The following DNAH5 variants were observed in gnomAD, a reference collection of about 807,000 sequenced individuals.
DNAH5 encodes the protein dynein axonemal heavy chain 5, also known as axonemal beta dynein heavy chain 5.
DNAH5 carries 372 observed loss-of-function variants against 518.2 expected under a neutral mutation model. The observed-to-expected ratio is 0.72, with a 90% confidence interval of 0.66 to 0.78. DNAH5 has a LOEUF of 0.78. Among genes scored for constraint, DNAH5 ranks in the 30% least tolerant of loss-of-function variants. The probability of loss-of-function intolerance (pLI) is 0.00; values close to 1 mark genes in which losing one functional copy is unlikely to be tolerated. For missense variants in DNAH5, 5,523 were observed against 5,687.0 expected (o/e 0.97, Z 0.93); for synonymous variants, 2,039 against 2,025.9 (o/e 1.01, Z -0.17).
chr5:13,778,600 G>GAAAGAAAGAAAGAAAGAAAGAA (rs1272994718), intron 53 of DNAH5, among the ~76,000 whole-genome samples: 1 of 72,858 alleles, frequency 1.4e-5, no homozygotes, highest in Non-Finnish European at 3.2e-5. Flanking sequence ...GAAAGAAAGA[G>GAAAGAAAGAAAGAAAGAAAGAA]AGAGAGAAAG....
chr5:13,841,489 A>G lies in DNAH5; in HGVS notation c.5484+203T>C, dbSNP rs138613825. Among the ~76,000 whole-genome samples the G allele has an allele frequency of 5.7e-3, 869 of 152,328 alleles. 6 individuals carry two copies. Among genetic ancestry groups the G allele is most frequent in the African/African-American group, 0.02 (825 of 41,568 alleles). On this transcript the variant is annotated intron_variant, in intron 33 of 78. Coordinates refer to ENST00000265104, the MANE Select transcript of DNAH5 (RefSeq NM_001369.3). ...TACATCAAATATATCTATAACCCAA[A>G]TACACATTTAAGTCTATAGATATAT...
chr5:13,861,159 G>C (rs889130681), intron 29 of DNAH5, among the ~76,000 whole-genome samples: 2 of 152,088 alleles, frequency 1.3e-5, no homozygotes, highest in African/African-American at 4.8e-5. Context: ...ACCCCAACCA[G>C]ATAATTTTTA....
chr5:13,735,330 T>C lies in DNAH5; in HGVS notation c.11571-9A>G, dbSNP rs779715252. On this transcript the variant is annotated splice_polypyrimidine_tract_variant and intron_variant, in intron 67 of 78. Coordinates refer to ENST00000265104, the MANE Select transcript of DNAH5 (RefSeq NM_001369.3). ...TCGGGCTCTTGACAGACCTGGTGAA[T>C]AGAATATTTAAATCAGGCTTATCCC... 5.6e-6 allele frequency: 9 copies of C among 1,613,144 alleles called. No homozygotes were observed. In the African/African-American group the frequency reaches 8.0e-5, roughly 14 times the overall value.
chr5:13,935,485 G>T (rs777096275), intron 1 of DNAH5, among the ~76,000 whole-genome samples: 2 of 152,054 alleles, frequency 1.3e-5, no homozygotes, highest in Admixed American at 6.5e-5. Context: ...TTAAAAGCAC[G>T]TTAAGACTTG....
At chr5:13,935,962 C>T (rs1778885397) in intron 1 of DNAH5, among the ~76,000 whole-genome samples, 1 of 152,152 alleles carries the variant, frequency 6.6e-6, no homozygotes, top group South Asian at 2.1e-4. Flanking sequence ...GGGAACATGG[C>T]CAGAAATCTA....
At chr5:13,768,924 C>T (rs990216871) in intron 58 of DNAH5, 36 bp downstream of exon 58, 2 of 1,611,836 alleles carry the variant, frequency 1.2e-6, no homozygotes, top group African/African-American at 2.7e-5. Context: ...CCTCTTAAGC[C>T]CTAAAGCTGA....
At chr5:13,913,535 T>G (rs1776273999) in intron 11 of DNAH5, among the ~76,000 whole-genome samples, 2 of 152,146 alleles carry the variant, frequency 1.3e-5, no homozygotes, top group African/African-American at 4.8e-5. Context: ...AAAGTCATTC[T>G]TATAACCACA....
chr5:13,883,137 A>G, intron 19 of DNAH5, 43 bp from the exon 20 acceptor site: 10 of 1,599,602 alleles, frequency 6.3e-6, no homozygotes, highest in Non-Finnish European at 8.5e-6. Flanking sequence ...TTTTTAATAC[A>G]AAATAAGATT....
intron 62 of DNAH5, 124 bp from the exon 63 acceptor site, chr5:13,753,673 T>C: frequency 1.1e-6 from 1 of 897,334 alleles, no homozygotes; most frequent in East Asian, 2.6e-5. Flanking sequence ...CAAATCAAAC[T>C]GGAGGCACAA....
At chr5:13,876,843 C>G (rs765477924) in intron 21 of DNAH5, 26 bp from the exon 22 acceptor site, 3 of 1,607,546 alleles carry the variant, frequency 1.9e-6, no homozygotes, top group Non-Finnish European at 2.6e-6. Flanking sequence ...GAAGAGAAAA[C>G]TTTACACTAC....
chr5:13,845,365 G>A lies in DNAH5; in HGVS notation c.5115-372C>T, dbSNP rs144878747. On this transcript the variant is annotated intron_variant, in intron 31 of 78. Coordinates refer to ENST00000265104, the MANE Select transcript of DNAH5 (RefSeq NM_001369.3). The stretch of plus-strand genomic sequence containing the variant: ...GAGAGTAAGATAAAAACACACCCAG[G>A]CAGGTTTTGGTTTTGGGTTTGGGTT... 5.2e-3 allele frequency among the ~76,000 whole-genome samples: 782 copies of A among 150,742 alleles called. 12 individuals are homozygous for A. The highest frequency in any genetic ancestry group is 0.018 in the African/African-American group (744 of 40,898).
At chr5:13,919,120 T>C (rs1776968669) in intron 7 of DNAH5, 56 bp downstream of exon 7, 1 of 1,600,008 alleles carries the variant, frequency 6.2e-7, no homozygotes, top group African/African-American at 1.3e-5. Context: ...GCCTTGAAAA[T>C]ATGCATAGAG....
At chr5:13,794,131 A>G in intron 47 of DNAH5, 73 bp from the exon 48 acceptor site, 3 of 1,596,486 alleles carry the variant, frequency 1.9e-6, no homozygotes, top group Non-Finnish European at 2.6e-6. Flanking sequence ...TTAAAAAACA[A>G]CAAAAACTGG....
At chr5:13,784,653 A>G (rs763424762) in intron 52 of DNAH5, among the ~76,000 whole-genome samples, 54 of 152,178 alleles carry the variant, frequency 3.5e-4, no homozygotes, top group Non-Finnish European at 7.5e-4. Flanking sequence ...AGAGGTGACA[A>G]TTTGTAATTG....
Position 13,811,780 on chromosome 5 carries a change from C to T in DNAH5, c.7274G>A (p.Arg2425His), listed in dbSNP as rs35900306. ...KRSPQEAEIL[R>H]QLYTESFPDL... is the part of the protein sequence containing the mutation. The stretch of plus-strand genomic sequence containing the variant: ...TGGGAAAGACTCGGTGTACAGCTGA[C>T]GAAGAATTTCTGCTTCTTGAGGTGA... Residue 2425 changes from arginine (R) to histidine (H), a missense_variant, in exon 44 of 79, where the codon CGT becomes CAT. By Grantham distance (29) the Arg-to-His change is conservative. Transcript: ENST00000265104. The T allele has an allele frequency of 4.4e-3, 7,097 of 1,614,062 alleles. 210 individuals are homozygous for T. The African/African-American group carries it at 0.073, about 17-fold the overall frequency.
At position 13,894,681 on chromosome 5, in the gene DNAH5, C is replaced by T. The variant is rs199951976; in HGVS notation, c.2400G>A (p.Glu800=). The T allele has an allele frequency of 1.7e-4, 273 of 1,614,032 alleles. 1 individual carries two copies. The highest frequency in any genetic ancestry group is 1.6e-3 in the Middle Eastern group (10 of 6,062). Residue 800 remains glutamate, a synonymous_variant, in exon 16 of 79, where the codon GAG becomes GAA. Transcript: ENST00000265104. ...TTGCAAAAGTGTTTTCTAAATAAGC[C>T]TCAATATTCAGTGATGTCCAGGTCA... ...AALTWTSLNI[E]AYLENTFAKI...
rs1742002283 is a variant in DNAH5 at position 13,700,828 on chromosome 5, A to G, written c.13535T>C (p.Val4512Ala). 2.5e-6 allele frequency: 4 copies of G among 1,614,176 alleles called. No individual in the cohort carries two copies. The highest frequency in any genetic ancestry group is 2.2e-5 in the South Asian group (2 of 91,084). Residue 4512 changes from valine to alanine, a missense_variant, in exon 78 of 79, where the codon GTG becomes GCG. By Grantham distance (64) the Val-to-Ala change is moderately conservative. Coordinates refer to ENST00000265104, the MANE Select transcript of DNAH5 (RefSeq NM_001369.3). ...CCATTTGGTGACTTCATTGCAAAGC[A>G]CCATATTGTCCAGAGCCCAGCCTTT... Reference protein sequence around the residue: ...ANKGWALDNMVLCNEVTKWMK... With the variant: ...ANKGWALDNMALCNEVTKWMK...
At chr5:13,904,906 G>GT (rs1775099525) in intron 12 of DNAH5, among the ~76,000 whole-genome samples, 1 of 151,672 alleles carries the variant, frequency 6.6e-6, no homozygotes, top group South Asian at 2.1e-4. Context: ...GCAAGACCCT[G>GT]TTTCAAAAAA....
At chr5:13,817,365 T>C (rs1761577375) in intron 42 of DNAH5, among the ~76,000 whole-genome samples, 183 bp downstream of exon 42, 2 of 152,240 alleles carry the variant, frequency 1.3e-5, no homozygotes, top group Non-Finnish European at 2.9e-5. Flanking sequence ...AAGGGAGCAT[T>C]TTAAATACTG....
Sources: allele counts gnomAD v4.1 joint callset (sites outside exome capture counted in the v4.1 genomes callset), GRCh38; gene constraint gnomAD v4.1.1; transcripts MANE v1.5; gene names NCBI Gene and HGNC (gene_info 2026-07-23, HGNC 2026-07-21).